Variants in SPOP observed in about 807,000 individuals in gnomAD.
SPOP encodes speckle-type POZ protein.
SPOP carries 11 observed loss-of-function variants against 45.6 expected under a neutral mutation model. The ratio of observed to expected loss-of-function variants is 0.24; its 90% CI spans 0.15 to 0.40. The LOEUF is 0.40. SPOP is among the 10% of genes least tolerant of loss of function. The pLI is 1.00. For synonymous variants in SPOP, 166 were observed against 166.3 expected (o/e 1.00, Z 0.01); for missense variants, 152 against 465.6 (o/e 0.33, Z 6.20).
At chr17:49,622,387 G>A (rs1289187728) in intron 2 of SPOP, 1 of 523,792 alleles carries the variant, frequency 1.9e-6, no homozygotes, top group Non-Finnish European at 3.5e-6. Context: ...TACTTAAAAT[G>A]GGTCTCTGTT....
At chr17:49,674,016 C>T (rs2073169621) in intron 1 of SPOP, among the ~76,000 whole-genome samples, 2 of 152,080 alleles carry the variant, frequency 1.3e-5, no homozygotes, top group African/African-American at 4.8e-5. Flanking sequence ...CGTGGTGTTG[C>T]ATGCCTGTAA....
intron 1 of SPOP, among the ~76,000 whole-genome samples, chr17:49,644,726 A>C (rs2072722264): frequency 6.6e-6 from 1 of 152,204 alleles, no homozygotes; most frequent in Non-Finnish European, 1.5e-5. Context: ...ACTTATATAC[A>C]TATAAATATA....
At chr17:49,638,577 C>A (rs1317644787) in intron 1 of SPOP, among the ~76,000 whole-genome samples, 1 of 85,652 alleles carries the variant, frequency 1.2e-5, no homozygotes. Flanking sequence ...GAGTGAGACT[C>A]TGTCTCAAAA....
chr17:49,647,470 T>A (rs1260575973), intron 1 of SPOP, among the ~76,000 whole-genome samples: 15 of 152,048 alleles, frequency 9.9e-5, no homozygotes, highest in African/African-American at 3.6e-4. Context: ...TATTTTTATT[T>A]TTTTTAAATT....
chr17:49,664,752 C>G (rs2143546374), intron 1 of SPOP, among the ~76,000 whole-genome samples: 1 of 152,314 alleles, frequency 6.6e-6, no homozygotes, highest in South Asian at 2.1e-4. Flanking sequence ...AACCTTTCAA[C>G]TGACCATATC....
intron 1 of SPOP, among the ~76,000 whole-genome samples, chr17:49,671,417 G>A (rs918633716): frequency 6.6e-6 from 1 of 151,908 alleles, no homozygotes; most frequent in African/African-American, 2.4e-5. Flanking sequence ...AAGGGTAAGG[G>A]TTCTGCATCT....
At chr17:49,665,645 T>TACACACACACACAC (rs1357014381) in intron 1 of SPOP, among the ~76,000 whole-genome samples, 1 of 62,400 alleles carries the variant, frequency 1.6e-5, no homozygotes, top group Non-Finnish European at 3.0e-5. Flanking sequence ...TATATATATA[T>TACACACACACACAC]ACAGACACAC....
intron 1 of SPOP, among the ~76,000 whole-genome samples, chr17:49,649,189 G>A (rs555270592): frequency 7.2e-5 from 11 of 152,240 alleles, no homozygotes; most frequent in African/African-American, 2.4e-5. Context: ...AAAGAAATCA[G>A]CCAGAAGCGG....
chr17:49,617,302 G>C (rs2072109053), intron 5 of SPOP, among the ~76,000 whole-genome samples: 1 of 152,210 alleles, frequency 6.6e-6, no homozygotes, highest in Non-Finnish European at 1.5e-5. Flanking sequence ...CTGTAAGATA[G>C]GTGAAGATTC....
intron 1 of SPOP, among the ~76,000 whole-genome samples, chr17:49,626,528 C>G (rs1258783560): frequency 1.3e-5 from 2 of 151,972 alleles, no homozygotes; most frequent in African/African-American, 4.8e-5. Flanking sequence ...AACCCCATCT[C>G]TACTAAAAAT....
At chr17:49,630,359 T>C (rs757918030) in intron 1 of SPOP, among the ~76,000 whole-genome samples, 18 of 152,234 alleles carry the variant, frequency 1.2e-4, no homozygotes, top group Non-Finnish European at 2.1e-4. Context: ...CAGGTCATAC[T>C]GACTTCTACT....
At chr17:49,657,621 A>T (rs1464029510) in intron 1 of SPOP, among the ~76,000 whole-genome samples, 2 of 142,348 alleles carry the variant, frequency 1.4e-5, no homozygotes, top group African/African-American at 5.3e-5. Context: ...CTGGTCTTGA[A>T]CTCCTGACCC....
chr17:49,661,972 C>T (rs893661974), intron 1 of SPOP, among the ~76,000 whole-genome samples: 1 of 145,110 alleles, frequency 6.9e-6, no homozygotes, highest in African/African-American at 2.6e-5. Context: ...GAAATCATGC[C>T]AGTGCACTCC....
Position 49,599,580 on chromosome 17 carries a change from CA to C in SPOP, c.*797del, listed in dbSNP as rs2071703258. 4.7e-6 allele frequency: 1 copy of C among 212,394 alleles called. No individual in the cohort carries two copies. The highest frequency in any genetic ancestry group is 2.3e-5 in the African/African-American group (1 of 43,392). 13.2% of individuals were successfully genotyped at this position (212,394 alleles called of 1,614,324 possible). A position where few individuals can be genotyped will look rare whatever the true frequency, so the allele number is the denominator to read the frequency against. ...AAAATCAGAGAAAAATGCCCAAAAA[CA>C]TTTTCCACAATATCTAAAAACAGAG... On this transcript the variant is annotated 3_prime_UTR_variant, in exon 10 of 10. Transcript: ENST00000504102.
intron 1 of SPOP, among the ~76,000 whole-genome samples, chr17:49,650,077 G>A (rs1339511377): frequency 6.6e-6 from 1 of 151,328 alleles, no homozygotes; most frequent in South Asian, 2.1e-4. Context: ...TTTTAGTAGA[G>A]ACAGAGTTTC....
intron 1 of SPOP, among the ~76,000 whole-genome samples, chr17:49,632,172 G>C (rs1306548896): frequency 6.6e-6 from 1 of 152,178 alleles, no homozygotes; most frequent in Non-Finnish European, 1.5e-5. Context: ...GTTGTTGAAT[G>C]AATGTAGCTA....
At chr17:49,615,878 C>T (rs79076156) in intron 5 of SPOP, among the ~76,000 whole-genome samples, 1,602 of 152,238 alleles carry the variant, frequency 0.011, 16 homozygotes, top group Non-Finnish European at 0.016. Context: ...ACTCCCTGGG[C>T]ACTGCTTCTC....
intron 1 of SPOP, among the ~76,000 whole-genome samples, chr17:49,669,465 T>G (rs1474811858): frequency 1.6e-5 from 2 of 123,656 alleles, no homozygotes; most frequent in African/African-American, 5.9e-5. Context: ...TACGGAATAT[T>G]AAAAAAAAAA....
chr17:49,677,708 G>A (rs1203632250), intron 1 of SPOP, among the ~76,000 whole-genome samples: 2 of 152,178 alleles, frequency 1.3e-5, no homozygotes, highest in Non-Finnish European at 2.9e-5. Context: ...AAGGCAGGGG[G>A]CGCGTTTGTG....
Sources: allele counts gnomAD v4.1 joint callset (sites outside exome capture counted in the v4.1 genomes callset), GRCh38; gene constraint gnomAD v4.1.1; transcripts MANE v1.5; gene names NCBI Gene and HGNC (gene_info 2026-07-23, HGNC 2026-07-21).